Variants in PARL observed in about 807,000 individuals in gnomAD.
PARL encodes presenilin-associated rhomboid-like protein, mitochondrial.
In PARL, 44 loss-of-function variants were observed where a neutral mutation model predicts 51.6. The ratio of observed to expected loss-of-function variants is 0.85; its 90% CI spans 0.67 to 1.10. The LOEUF is 1.10. Ranked by LOEUF, PARL falls within the 50% of genes least tolerant of loss-of-function variation. PARL has a pLI of 0.00. For missense variants in PARL, 441 were observed against 469.5 expected, an observed-to-expected ratio of 0.94 and a Z score of 0.56; for synonymous variants, 172 against 164.0, an observed-to-expected ratio of 1.05 and a Z score of -0.37.
intron 2 of PARL, among the ~76,000 whole-genome samples, chr3:183,867,264 C>T (rs1277952410): frequency 1.3e-5 from 2 of 152,148 alleles, no homozygotes; most frequent in South Asian, 4.1e-4. Flanking sequence ...ACCCTGGGGC[C>T]TGTTTCCAGC....
chr3:183,842,337 G>C lies in PARL; in HGVS notation c.718C>G (p.Leu240Val). The C allele has an allele frequency of 6.2e-7, 1 of 1,613,352 alleles. No individual in the cohort carries two copies. The highest frequency in any genetic ancestry group is 1.1e-5 in the South Asian group (1 of 91,050). ...WSFSSSIVNI[L>V]GQEQFMAVYL... Reference sequence around the variant, plus strand: ...ACTGCCATGAACTGCTCTTGACCCAGAATGTTCACTATGCTGGAAGAGAAG... The same window carrying C: ...ACTGCCATGAACTGCTCTTGACCCACAATGTTCACTATGCTGGAAGAGAAG... The change falls in exon 6 of 10, where the codon CTG becomes GTG. Residue 240 changes from leucine to valine, a missense_variant. Coordinates refer to ENST00000317096, the MANE Select transcript of PARL (RefSeq NM_018622.7).
chr3:183,860,385 C>T (rs1731675334), intron 4 of PARL, among the ~76,000 whole-genome samples: 1 of 152,214 alleles, frequency 6.6e-6, no homozygotes, highest in Non-Finnish European at 1.5e-5. Flanking sequence ...TCTGAGGTGA[C>T]ACAAGACAGT....
At position 183,867,761 on chromosome 3, in the gene PARL, C is replaced by A. The variant is rs982274702; in HGVS notation, c.321+104G>T. 5.8e-5 allele frequency: 47 copies of A among 816,200 alleles called. No individual in the cohort carries two copies. In the East Asian group the frequency reaches 9.5e-4, roughly 16 times the overall value. 50.6% of individuals were successfully genotyped at this position (816,200 alleles called of 1,614,324 possible). The stretch of plus-strand genomic sequence containing the variant: ...ATTCATGAGCCCAGCTCTTTTTGAT[C>A]CCCCCTCTACCTGTCCTTACTTTAA... On this transcript the variant is annotated intron_variant, in intron 2 of 9. Transcript: ENST00000317096.
chr3:183,865,723 G>A (rs1732394628), intron 3 of PARL, among the ~76,000 whole-genome samples: 1 of 152,088 alleles, frequency 6.6e-6, no homozygotes, highest in Non-Finnish European at 1.5e-5. Flanking sequence ...CAAAAAGGTT[G>A]GTGACTGCTG....
In PARL at chr3:183,872,997, C is replaced by A. The variant is rs1733386791; in HGVS notation, c.126-4937G>T. ...ATAACTCCCCTTCTTATTTAAACAA[C>A]CATCAGTTTATTTACTGCCAAATGT... On this transcript the variant is annotated intron_variant, in intron 1 of 9. Transcript: ENST00000317096. Among the ~76,000 whole-genome samples the A allele has an allele frequency of 3.3e-5, 5 of 152,116 alleles. No individual in the cohort carries two copies. In the South Asian group the frequency reaches 1.0e-3, roughly 32 times the overall value.
chr3:183,861,788 T>C lies in PARL; in HGVS notation c.511+965A>G, dbSNP rs142465588. On this transcript the variant is annotated intron_variant, in intron 4 of 9. Coordinates refer to ENST00000317096, the MANE Select transcript of PARL (RefSeq NM_018622.7). ...ATCGTTAAAAAACTTAAAAAAAATT[T>C]TTTTGTTTTTGAGAGTCTCATCTGT... 3.9e-5 allele frequency among the ~76,000 whole-genome samples: 6 copies of C among 152,298 alleles called. No individual in the cohort carries two copies. The East Asian group carries it at 1.2e-3, about 29-fold the overall frequency.
At chr3:183,882,961 AT>A (rs1460277382) in intron 1 of PARL, among the ~76,000 whole-genome samples, 5 of 152,222 alleles carry the variant, frequency 3.3e-5, no homozygotes, top group African/African-American at 1.2e-4. Context: ...AACTGATACT[AT>A]TAACTTTAAG....
intron 4 of PARL, among the ~76,000 whole-genome samples, chr3:183,860,544 C>T (rs1284729805): frequency 2.6e-5 from 4 of 152,174 alleles, no homozygotes; most frequent in Admixed American, 6.5e-5. Context: ...TCTACTGCTA[C>T]GCTCTTCATG....
At chr3:183,841,624 T>G (rs899389700) in intron 6 of PARL, among the ~76,000 whole-genome samples, 35 of 152,194 alleles carry the variant, frequency 2.3e-4, no homozygotes, top group Admixed American at 1.5e-3. Flanking sequence ...AAATTAATTT[T>G]TATATTGTAT....
chr3:183,863,847 T>C (rs1019096404), intron 3 of PARL, among the ~76,000 whole-genome samples: 4 of 152,260 alleles, frequency 2.6e-5, no homozygotes, highest in Admixed American at 6.5e-5. Flanking sequence ...ATTTACACAT[T>C]GTTTCAAACT....
chr3:183,833,759 TA>T lies in PARL; in HGVS notation c.894del (p.Ile299PhefsTer14). On this transcript the variant is annotated frameshift_variant, in exon 8 of 10. Transcript: ENST00000317096. LOFTEE classifies it high-confidence loss of function. ...CTKIPEGRLAIIFLPMFTFTA... is the reference protein window; with the variant it reads ...CTKIPEGRLAXIFLPMFTFTA... ...GTGAACGTGAACATCGGAAGGAAAA[TA>T]ATGGCAAGCCTCCCTTCTGGGATCT... 1.9e-6 allele frequency: 3 copies of T among 1,613,112 alleles called. No individual in the cohort carries two copies. Among genetic ancestry groups the T allele is most frequent in the Non-Finnish European group, 2.5e-6 (3 of 1,179,124 alleles).
At chr3:183,829,899 G>GGTAGAA (rs1360480630) in intron 9 of PARL, among the ~76,000 whole-genome samples, 190 bp from the exon 10 acceptor site, 1 of 152,136 alleles carries the variant, frequency 6.6e-6, no homozygotes, top group Non-Finnish European at 1.5e-5. Context: ...AAGTAGGATG[G>GGTAGAA]GACGATGGCT....
rs138837685 is a variant in PARL, at chr3:183,829,937, A to G, written c.1029-228T>C. ...ATGCTCCGCAGTGTGTGAGTACTTC[A>G]CATATACTACTTTTGATTCACCACT... On this transcript the variant is annotated intron_variant, in intron 9 of 9. Transcript: ENST00000317096. Among the ~76,000 whole-genome samples, 601 of 152,328 alleles carry G rather than the reference A, an allele frequency of 3.9e-3. 5 individuals carry two copies. The highest frequency in any genetic ancestry group is 0.014 in the African/African-American group (574 of 41,572).
intron 6 of PARL, among the ~76,000 whole-genome samples, chr3:183,841,468 T>TA (rs1448505172): frequency 1.3e-5 from 2 of 152,168 alleles, no homozygotes; most frequent in Non-Finnish European, 2.9e-5. Context: ...AGGAGGTAAG[T>TA]ATCATGAGGT....
At chr3:183,865,948 C>T (rs192884388) in intron 3 of PARL, among the ~76,000 whole-genome samples, 7 of 150,958 alleles carry the variant, frequency 4.6e-5, no homozygotes, top group African/African-American at 1.7e-4. Context: ...GGCACAATCT[C>T]GTCTCACTGC....
chr3:183,864,058 T>C (rs1310726499), intron 3 of PARL, among the ~76,000 whole-genome samples: 1 of 152,208 alleles, frequency 6.6e-6, no homozygotes, highest in Non-Finnish European at 1.5e-5. Context: ...TCCAGGATAA[T>C]GGAATAGGTC....
downstream of PARL, among the ~76,000 whole-genome samples, chr3:183,827,487 G>C (rs1727506086): frequency 6.6e-6 from 1 of 152,112 alleles, no homozygotes. Context: ...ACAAAGGAAT[G>C]ACAGACATGT....
chr3:183,872,852 C>T (rs920414548), intron 1 of PARL, among the ~76,000 whole-genome samples: 41 of 152,248 alleles, frequency 2.7e-4, no homozygotes, highest in Admixed American at 6.5e-4. Flanking sequence ...TGCCTAGAGA[C>T]GAGGCAGTCA....
chr3:183,861,830 T>C (rs113024274), intron 4 of PARL, among the ~76,000 whole-genome samples: 6,714 of 152,260 alleles, frequency 0.044, 493 homozygotes, highest in African/African-American at 0.15. Flanking sequence ...GGTTGGAGTG[T>C]AATAGTAGGA....
Sources: allele counts gnomAD v4.1 joint callset (sites outside exome capture counted in the v4.1 genomes callset), GRCh38; gene constraint gnomAD v4.1.1; transcripts MANE v1.5; gene names NCBI Gene and HGNC (gene_info 2026-07-23, HGNC 2026-07-21).